Variants in NMT2 observed in about 807,000 individuals in gnomAD.
The protein encoded by NMT2 is glycylpeptide N-tetradecanoyltransferase 2.
In NMT2, 35 loss-of-function variants were observed where a neutral mutation model predicts 65.4. The ratio of observed to expected loss-of-function variants is 0.54; its 90% CI spans 0.41 to 0.71. The LOEUF is 0.71. NMT2 is among the 30% of genes least tolerant of loss of function. The pLI is 0.00. For synonymous variants in NMT2, 226 were observed against 231.8 expected, an observed-to-expected ratio of 0.98 and a Z score of 0.23; for missense variants, 489 against 611.3, an observed-to-expected ratio of 0.80 and a Z score of 2.11.
At chr10:15,163,669 T>C (rs1588465535) in intron 1 of NMT2, among the ~76,000 whole-genome samples, 2 of 152,218 alleles carry the variant, frequency 1.3e-5, no homozygotes, top group South Asian at 2.1e-4. Flanking sequence ...TTCCCACTGA[T>C]ACCACACAGC....
At chr10:15,124,502 T>C (rs543318602) in intron 8 of NMT2, among the ~76,000 whole-genome samples, 31 of 152,152 alleles carry the variant, frequency 2.0e-4, no homozygotes, top group Admixed American at 3.9e-4. Flanking sequence ...CCACAATAAA[T>C]GTTAGCTCCT....
intron 2 of NMT2, among the ~76,000 whole-genome samples, chr10:15,136,324 G>C (rs1291904591): frequency 2.0e-5 from 3 of 148,468 alleles, no homozygotes; most frequent in Non-Finnish European, 4.5e-5. Flanking sequence ...GAGAAAGGGA[G>C]AGAGACAGAG....
chr10:15,162,026 G>A (rs1007380841), intron 1 of NMT2, among the ~76,000 whole-genome samples: 1 of 152,186 alleles, frequency 6.6e-6, no homozygotes, highest in Non-Finnish European at 1.5e-5. Context: ...ACGGAGGTGG[G>A]TGAACTGCTT....
chr10:15,148,283 G>T (rs1218742368), intron 1 of NMT2, among the ~76,000 whole-genome samples: 3 of 152,218 alleles, frequency 2.0e-5, no homozygotes, highest in Non-Finnish European at 4.4e-5. Context: ...GACAAGGCAG[G>T]AGGGCTGCTT....
intron 1 of NMT2, among the ~76,000 whole-genome samples, chr10:15,167,167 T>G (rs1236024320): frequency 7.6e-6 from 1 of 131,444 alleles, no homozygotes. Context: ...CTATGCAATT[T>G]CCTTTCCTCT....
At chr10:15,127,273 C>T (rs1316250630) in intron 8 of NMT2, among the ~76,000 whole-genome samples, 5 of 148,998 alleles carry the variant, frequency 3.4e-5, no homozygotes, top group East Asian at 2.0e-4. Flanking sequence ...TTTCGCCAGG[C>T]GTGGTGGCTC....
At chr10:15,140,726 T>G (rs1846723630) in intron 2 of NMT2, among the ~76,000 whole-genome samples, 1 of 152,110 alleles carries the variant, frequency 6.6e-6, no homozygotes, top group South Asian at 2.1e-4. Flanking sequence ...CAAGAGGGCT[T>G]TGTGTTTCCC....
intron 2 of NMT2, among the ~76,000 whole-genome samples, chr10:15,140,370 T>G (rs1324276480): frequency 6.6e-6 from 1 of 151,786 alleles, no homozygotes. Flanking sequence ...GGGATCCGCC[T>G]GCCTTGGCCT....
chr10:15,152,626 T>C (rs1236508564), intron 1 of NMT2, among the ~76,000 whole-genome samples: 2 of 152,244 alleles, frequency 1.3e-5, no homozygotes, highest in Non-Finnish European at 1.5e-5. Flanking sequence ...TCCCTGAGGA[T>C]GGGGCCAGGC....
chr10:15,157,526 G>A (rs1294127379), intron 1 of NMT2, among the ~76,000 whole-genome samples: 1 of 152,100 alleles, frequency 6.6e-6, no homozygotes, highest in Non-Finnish European at 1.5e-5. Flanking sequence ...TGGGGGCAGG[G>A]GGCAGAGGCT....
At chr10:15,163,406 A>G (rs560594891) in intron 1 of NMT2, among the ~76,000 whole-genome samples, 37 of 152,366 alleles carry the variant, frequency 2.4e-4, no homozygotes, top group East Asian at 5.8e-4. Context: ...ATATTTAGAC[A>G]ACCCTGGAAA....
At chr10:15,140,850 C>T in intron 2 of NMT2, 4 of 778,220 alleles carry the variant, frequency 5.1e-6, no homozygotes, top group Non-Finnish European at 6.5e-6. Flanking sequence ...CCACCATCTG[C>T]CAACACGGGG....
At chr10:15,159,847 G>A (rs1168364212) in intron 1 of NMT2, among the ~76,000 whole-genome samples, 1 of 152,226 alleles carries the variant, frequency 6.6e-6, no homozygotes, top group Admixed American at 6.6e-5. Context: ...AGGAGCCACA[G>A]CTTGGGGCAG....
chr10:15,132,707 T>A (rs1564571889), intron 6 of NMT2, 110 bp downstream of exon 6: 1 of 726,028 alleles, frequency 1.4e-6, no homozygotes, highest in African/African-American at 1.8e-5. Context: ...GGATTAGAGG[T>A]GTGAGCCACT....
intron 8 of NMT2, among the ~76,000 whole-genome samples, chr10:15,122,689 G>T (rs111533741): frequency 0.061 from 9,362 of 152,250 alleles, 319 homozygotes; most frequent in East Asian, 0.089. Context: ...AAAGTGCTGG[G>T]ATTACAGGCA....
intron 1 of NMT2, among the ~76,000 whole-genome samples, chr10:15,147,592 T>C (rs545687274): frequency 6.6e-6 from 1 of 152,018 alleles, no homozygotes; most frequent in Non-Finnish European, 1.5e-5. Context: ...ACTGAATTCC[T>C]ATATGCAGAA....
chr10:15,142,506 G>A (rs112805086), intron 1 of NMT2, among the ~76,000 whole-genome samples: 34,606 of 152,202 alleles, frequency 0.23, 4,988 homozygotes, highest in African/African-American at 0.41. Flanking sequence ...AGGTTGCAGT[G>A]AGCCAAGATT....
chr10:15,142,844 T>C (rs1846823893), intron 1 of NMT2, among the ~76,000 whole-genome samples: 1 of 152,192 alleles, frequency 6.6e-6, no homozygotes, highest in Non-Finnish European at 1.5e-5. Flanking sequence ...GCCAGGTACA[T>C]GAGCTAGAAA....
At chr10:15,153,663 T>A (rs185103451) in intron 1 of NMT2, among the ~76,000 whole-genome samples, 209 of 152,274 alleles carry the variant, frequency 1.4e-3, no homozygotes, top group African/African-American at 2.9e-3. Context: ...ATTTTATTTT[T>A]TTTTTGAGAC....
Sources: gnomAD v4.1 joint callset for allele counts (sites outside exome capture counted in the v4.1 genomes callset) on GRCh38, gnomAD v4.1.1 for gene constraint, MANE v1.5 for transcripts, NCBI Gene and HGNC (gene_info 2026-07-23, HGNC 2026-07-21) for gene names.